The following PAWR variants were observed in gnomAD, a reference collection of about 807,000 sequenced individuals.
PAWR encodes pro-apoptotic WT1 regulator.
PAWR carries 23 observed loss-of-function variants against 32.0 expected under a neutral mutation model. That is an observed-to-expected ratio of 0.72 (90% CI 0.52 to 1.02). The LOEUF is 1.02. PAWR is among the 50% of genes least tolerant of loss of function. The probability of loss-of-function intolerance (pLI) is 0.00; values close to 1 mark genes in which losing one functional copy is unlikely to be tolerated. For synonymous variants in PAWR, 226 were observed against 187.1 expected, an observed-to-expected ratio of 1.21 and a Z score of -1.70; for missense variants, 457 against 437.7, an observed-to-expected ratio of 1.04 and a Z score of -0.39.
Position 79,587,697 on chromosome 12 carries a change from A to G in PAWR, c.*4910T>C, listed in dbSNP as rs529176040. On this transcript the variant is annotated 3_prime_UTR_variant, in exon 7 of 7. Transcript: ENST00000328827. Reference sequence around the variant, plus strand: ...TGCATATGGTTTCTGTAAGAGGTACATAATTAGATTACCAGCATTATCCTT... The same window carrying G: ...TGCATATGGTTTCTGTAAGAGGTACGTAATTAGATTACCAGCATTATCCTT... 138 of 152,142 alleles carry G rather than the reference A, an allele frequency of 9.1e-4. No individual in the cohort carries two copies. The highest frequency in any genetic ancestry group is 3.1e-3 in the African/African-American group (130 of 41,592). 9.4% of individuals were successfully genotyped at this position (152,142 alleles called of 1,614,324 possible). A position where few individuals can be genotyped will look rare whatever the true frequency, so the allele number is the denominator to read the frequency against.
At chr12:79,626,479 T>G (rs1875327318) in intron 2 of PAWR, among the ~76,000 whole-genome samples, 1 of 151,476 alleles carries the variant, frequency 6.6e-6, no homozygotes, top group African/African-American at 2.4e-5. Context: ...CAGGATGGTC[T>G]CGATCTCCAG....
Position 79,587,030 on chromosome 12 carries a change from C to CTGT in PAWR, c.*5576_*5577insACA, listed in dbSNP as rs1291203457. ...ATTAAGAAAATATGTGGGTAGTTTACAGCTGCTGATAGAATTGTGTGCACG... is the reference window on the plus strand; with the variant it reads ...ATTAAGAAAATATGTGGGTAGTTTACTGTAGCTGCTGATAGAATTGTGTGCACG... On this transcript the variant is annotated 3_prime_UTR_variant, in exon 7 of 7. Transcript: ENST00000328827. 2.0e-5 allele frequency: 3 copies of CTGT among 152,024 alleles called. No individual in the cohort carries two copies. Among genetic ancestry groups the CTGT allele is most frequent in the Admixed American group, 2.0e-4 (3 of 15,252 alleles). The allele number at this position is 152,024 out of a possible 1,614,324, so 9.4% of individuals were successfully genotyped here. A position where few individuals can be genotyped will look rare whatever the true frequency, so the allele number is the denominator to read the frequency against.
intron 2 of PAWR, among the ~76,000 whole-genome samples, chr12:79,644,955 T>C (rs1313820544): frequency 6.6e-6 from 1 of 151,916 alleles, no homozygotes; most frequent in African/African-American, 2.4e-5. Flanking sequence ...TAGATCCTAT[T>C]ATACTTTCCA....
chr12:79,602,813 C>A (rs1160054698), intron 4 of PAWR, among the ~76,000 whole-genome samples: 1 of 145,286 alleles, frequency 6.9e-6, no homozygotes, highest in Non-Finnish European at 1.5e-5. Flanking sequence ...ACTATGTTGA[C>A]CAGGCTGGTC....
chr12:79,623,917 G>A (rs1266497552), intron 2 of PAWR, among the ~76,000 whole-genome samples: 5 of 151,932 alleles, frequency 3.3e-5, no homozygotes, highest in African/African-American at 1.2e-4. Context: ...GAATAAAATA[G>A]CATAAAAGGC....
chr12:79,652,744 G>C (rs1592532430), intron 2 of PAWR, among the ~76,000 whole-genome samples: 1 of 152,322 alleles, frequency 6.6e-6, no homozygotes, highest in African/African-American at 2.4e-5. Flanking sequence ...AAATTAATTT[G>C]TGAGGGAGTG....
chr12:79,650,693 T>G lies in PAWR; in HGVS notation c.517-29486A>C, dbSNP rs1876800040. Among the ~76,000 whole-genome samples, 3 of 142,842 alleles carry G rather than the reference T, an allele frequency of 2.1e-5. No homozygotes were observed. In the South Asian group the frequency reaches 6.7e-4, roughly 32 times the overall value. 93.7% of individuals were successfully genotyped at this position (142,842 alleles called of 152,430 possible). On this transcript the variant is annotated intron_variant, in intron 2 of 6. Transcript: ENST00000328827. ...CCAGTAAAACTTTCCTTACTCAAGTTCAACAGAGCTTAAAGGTTATTAAAA... is the reference window on the plus strand; with the variant it reads ...CCAGTAAAACTTTCCTTACTCAAGTGCAACAGAGCTTAAAGGTTATTAAAA...
intron 2 of PAWR, among the ~76,000 whole-genome samples, chr12:79,651,792 C>T (rs943824930): frequency 4.0e-5 from 6 of 151,672 alleles, no homozygotes; most frequent in Non-Finnish European, 5.9e-5. Context: ...ATTTGTAAGC[C>T]GATAGAAGGC....
chr12:79,628,091 A>G (rs993213789), intron 2 of PAWR, among the ~76,000 whole-genome samples: 15 of 152,226 alleles, frequency 9.9e-5, no homozygotes, highest in African/African-American at 3.6e-4. Context: ...AAAGAACAGA[A>G]ATTGTAACAA....
At chr12:79,650,086 T>A (rs1490399099) in intron 2 of PAWR, among the ~76,000 whole-genome samples, 4 of 152,300 alleles carry the variant, frequency 2.6e-5, no homozygotes, top group Admixed American at 1.3e-4. Flanking sequence ...GCCACTCACC[T>A]CCTGCTGTAT....
Position 79,594,385 on chromosome 12 carries a change from G to T in PAWR, c.880C>A (p.Gln294Lys). 1.3e-6 allele frequency: 2 copies of T among 1,562,856 alleles called. No homozygotes were observed. Among genetic ancestry groups the T allele is most frequent in the Admixed American group, 1.8e-5 (1 of 56,700 alleles). ...QENLRLVRLM[Q>K]DKEEMIGKLK... is the part of the protein sequence containing the mutation. Reference sequence around the variant, plus strand: ...TTTCCAATCATTTCCTCTTTATCTTGCATCAGTCTCACAAGTCTTAGGTTT... The same window carrying T: ...TTTCCAATCATTTCCTCTTTATCTTTCATCAGTCTCACAAGTCTTAGGTTT... Residue 294 changes from glutamine to lysine, a missense_variant, in exon 6 of 7, where the codon CAA becomes AAA. Gln to Lys is a moderately conservative substitution (Grantham distance 53). Coordinates refer to ENST00000328827, the MANE Select transcript of PAWR (RefSeq NM_002583.4).
At chr12:79,610,686 G>A (rs550369869) in intron 4 of PAWR, among the ~76,000 whole-genome samples, 1 of 151,544 alleles carries the variant, frequency 6.6e-6, no homozygotes, top group Non-Finnish European at 1.5e-5. Flanking sequence ...AGTACTTTGG[G>A]AGGCAGAGTT....
chr12:79,618,539 C>T (rs1383234495), intron 3 of PAWR, among the ~76,000 whole-genome samples: 2 of 152,166 alleles, frequency 1.3e-5, no homozygotes, highest in African/African-American at 4.8e-5. Flanking sequence ...AATTATTCCT[C>T]CTATCTAACT....
rs1874502371 is a variant in PAWR, at chr12:79,612,829, TG to T, written c.683+745del. Among the ~76,000 whole-genome samples the T allele has an allele frequency of 2.6e-5, 4 of 152,310 alleles. No individual in the cohort carries two copies. In the South Asian group the frequency reaches 6.2e-4, roughly 24 times the overall value. ...TAGACACCTCCACTGAAAAACTTCT[TG>T]TACCCAATTCTGATTTTCTTCCTAT... On this transcript the variant is annotated intron_variant, in intron 4 of 6. Coordinates refer to ENST00000328827, the MANE Select transcript of PAWR (RefSeq NM_002583.4).
At chr12:79,627,355 T>G (rs1875385374) in intron 2 of PAWR, among the ~76,000 whole-genome samples, 1 of 152,228 alleles carries the variant, frequency 6.6e-6, no homozygotes, top group Non-Finnish European at 1.5e-5. Context: ...GATGAGCATT[T>G]TTTCATGTGT....
chr12:79,669,254 T>C (rs1489735595), intron 2 of PAWR, among the ~76,000 whole-genome samples: 1 of 152,194 alleles, frequency 6.6e-6, no homozygotes, highest in African/African-American at 2.4e-5. Flanking sequence ...ATGATGTTAA[T>C]AGAACTTAAA....
At chr12:79,610,375 T>G (rs1178238329) in intron 4 of PAWR, among the ~76,000 whole-genome samples, 3 of 152,124 alleles carry the variant, frequency 2.0e-5, no homozygotes, top group Non-Finnish European at 2.9e-5. Flanking sequence ...TAGGACCAAT[T>G]TGCATTTCGA....
intron 2 of PAWR, among the ~76,000 whole-genome samples, chr12:79,678,801 G>C (rs1291900153): frequency 6.7e-6 from 1 of 150,030 alleles, no homozygotes; most frequent in African/African-American, 2.5e-5. Flanking sequence ...GAGACCTAAA[G>C]CATAATACCA....
At chr12:79,613,633 A>G (rs747962158) in intron 3 of PAWR, 24 bp from the exon 4 acceptor site, 9 of 1,439,692 alleles carry the variant, frequency 6.3e-6, no homozygotes, top group Non-Finnish European at 8.7e-6. Context: ...ATAATTATGT[A>G]TCAGTTTGAG....
Sources: allele counts gnomAD v4.1 joint callset (sites outside exome capture counted in the v4.1 genomes callset), GRCh38; gene constraint gnomAD v4.1.1; transcripts MANE v1.5; gene names NCBI Gene and HGNC (gene_info 2026-07-23, HGNC 2026-07-21).